PAK3: variants seen among roughly 807,000 people sequenced by gnomAD.
The protein encoded by PAK3 is p21 (RAC1) activated kinase 3.
PAK3 carries 4 observed loss-of-function variants against 41.0 expected under a neutral mutation model. The observed-to-expected ratio is 0.10, with a 90% CI of 0.05 to 0.22. The LOEUF is 0.22. PAK3 is among the 10% of genes least tolerant of loss of function. PAK3 has a pLI of 1.00. For missense variants in PAK3, 205 were observed against 409.9 expected, an observed-to-expected ratio of 0.50 and a Z score of 4.32; for synonymous variants, 146 against 139.6, an observed-to-expected ratio of 1.05 and a Z score of -0.32.
At position 111,173,007 on chromosome X, in the gene PAK3, C is replaced by A; in HGVS notation, c.767-11C>A. 1 of 1,046,254 alleles carries A rather than the reference C, an allele frequency of 9.6e-7. No homozygotes were observed. Among genetic ancestry groups the A allele is most frequent in the South Asian group, 1.9e-5 (1 of 52,860 alleles). The allele number at this position is 1,046,254 out of a possible 1,213,427, so 86.2% of individuals were successfully genotyped here. On this transcript the variant is annotated splice_polypyrimidine_tract_variant and intron_variant, in intron 10 of 17. Coordinates refer to ENST00000372007, the MANE Select transcript of PAK3 (RefSeq NM_002578.5). ...TCCTCCTCTTTTCTTCTCTCCCCACCCATCTCTTAGGAAGCATTGTGAGTG... is the reference window on the plus strand; with the variant it reads ...TCCTCCTCTTTTCTTCTCTCCCCACACATCTCTTAGGAAGCATTGTGAGTG...
chrX:111,020,876 A>T (rs1228247539), intron 1 of PAK3, among the ~76,000 whole-genome samples: 3 of 110,690 alleles, frequency 2.7e-5, no homozygotes, highest in Non-Finnish European at 5.7e-5. Context: ...GAGGCCTGTG[A>T]CTGCCAGCTT....
chrX:111,056,503 C>A (rs1419409045), intron 1 of PAK3, among the ~76,000 whole-genome samples: 1 of 111,939 alleles, frequency 8.9e-6, no homozygotes, highest in Admixed American at 9.5e-5. Context: ...CCATTTCTGC[C>A]CAATTCTCTC....
intron 5 of PAK3, among the ~76,000 whole-genome samples, chrX:111,131,875 C>G (rs192389245): frequency 1.8e-5 from 2 of 112,047 alleles, no homozygotes; most frequent in Non-Finnish European, 1.9e-5. Context: ...TTCTGAGACA[C>G]TTACTGTTAC....
chrX:110,954,857 C>A (rs1015866850), intron 1 of PAK3, among the ~76,000 whole-genome samples: 14 of 111,326 alleles, frequency 1.3e-4, no homozygotes, highest in African/African-American at 4.6e-4. Flanking sequence ...TTTTCCTCCT[C>A]CTACTCCCAG....
chrX:111,136,737 T>C (rs2093795126), intron 5 of PAK3, among the ~76,000 whole-genome samples: 1 of 111,874 alleles, frequency 8.9e-6, no homozygotes, highest in African/African-American at 3.3e-5. Flanking sequence ...GAGAAAGGGT[T>C]ATTCTGGATA....
chrX:111,006,849 C>CTTTCTTTCTTTTTT (rs1556434441), intron 1 of PAK3, among the ~76,000 whole-genome samples: 10 of 42,719 alleles, frequency 2.3e-4, no homozygotes, highest in East Asian at 9.2e-4. Context: ...TTCTTTCTTT[C>CTTTCTTTCTTTTTT]TTTTTTTTTT....
At position 111,014,320 on chromosome X, in the gene PAK3, G is replaced by A. The variant is rs1195947890; in HGVS notation, c.-28+69692G>A. On this transcript the variant is annotated intron_variant, in intron 1 of 14. Transcript: ENST00000425146. ...TTTGTTCTTTGGTTTCAAATCAGCA[G>A]CACCTTTTTTTTCAAGTAAAAAAAA... 2.7e-5 allele frequency among the ~76,000 whole-genome samples: 3 copies of A among 111,573 alleles called. No homozygotes were observed. In the East Asian group the frequency reaches 8.5e-4, roughly 31 times the overall value.
chrX:111,166,237 A>G (rs2094253415), intron 10 of PAK3, among the ~76,000 whole-genome samples: 1 of 111,430 alleles, frequency 9.0e-6, no homozygotes, highest in Non-Finnish European at 1.9e-5. Flanking sequence ...GTCTAAGGAA[A>G]ACTTCAGACA....
chrX:111,132,182 G>A lies in PAK3; in HGVS notation c.175+8904G>A, dbSNP rs182052965. ...ATCTATCATCCAGCTAAAGAGTAAC[G>A]AAGTCACTAAGGATCATTTGTTAGG... On this transcript the variant is annotated intron_variant, in intron 5 of 17. Transcript: ENST00000372007. Among the ~76,000 whole-genome samples the A allele has an allele frequency of 2.6e-3, 288 of 110,353 alleles. 1 individual carries two copies. The highest frequency in any genetic ancestry group is 8.5e-3 in the African/African-American group (258 of 30,319).
At chrX:110,961,701 C>T (rs1192800794) in intron 1 of PAK3, among the ~76,000 whole-genome samples, 1 of 112,098 alleles carries the variant, frequency 8.9e-6, no homozygotes, top group East Asian at 2.8e-4. Context: ...CACAGCTAAG[C>T]TTCTTGAAAA....
At chrX:111,114,919 C>T (rs1389180105) in intron 4 of PAK3, among the ~76,000 whole-genome samples, 1 of 112,171 alleles carries the variant, frequency 8.9e-6, no homozygotes, top group African/African-American at 3.2e-5. Flanking sequence ...CTGCTGATTA[C>T]AGCTCCTTCC....
At position 111,055,087 on chromosome X, in the gene PAK3, T is replaced by C. The variant is rs756671496; in HGVS notation, c.-27-67990T>C. Among the ~76,000 whole-genome samples the C allele has an allele frequency of 3.1e-3, 351 of 112,030 alleles. 2 individuals carry two copies. The highest frequency in any genetic ancestry group is 0.011 in the African/African-American group (333 of 30,856). On this transcript the variant is annotated intron_variant, in intron 1 of 14. Transcript: ENST00000425146. The stretch of plus-strand genomic sequence containing the variant: ...AGGATTTCTGAACACTTGGTGCACA[T>C]TGTACACCAACCACTAGACCACACT...
At chrX:111,014,845 AC>A (rs766267876) in intron 1 of PAK3, among the ~76,000 whole-genome samples, 2 of 111,337 alleles carry the variant, frequency 1.8e-5, no homozygotes, top group African/African-American at 3.3e-5. Context: ...AGCTGTAATG[AC>A]TTTATCTTCC....
intron 1 of PAK3, among the ~76,000 whole-genome samples, chrX:110,950,367 G>A (rs1371486814): frequency 2.7e-5 from 3 of 112,034 alleles, no homozygotes; most frequent in Non-Finnish European, 5.6e-5. Flanking sequence ...TGAACTATAT[G>A]TCTGAAGATC....
upstream of PAK3, among the ~76,000 whole-genome samples, chrX:111,095,560 A>T (rs951579370): frequency 1.8e-5 from 2 of 112,372 alleles, no homozygotes; most frequent in Admixed American, 1.9e-4. Context: ...AGAGAATCGC[A>T]TTTAAGCTCC....
chrX:110,971,594 T>A (rs1157901204), intron 1 of PAK3, among the ~76,000 whole-genome samples: 1 of 112,101 alleles, frequency 8.9e-6, no homozygotes, highest in Non-Finnish European at 1.9e-5. Context: ...ATCTCATATA[T>A]GATTTTCAAA....
At chrX:111,218,771 T>C (rs2094902815) in intron 17 of PAK3, among the ~76,000 whole-genome samples, 2 of 111,147 alleles carry the variant, frequency 1.8e-5, no homozygotes, top group African/African-American at 3.3e-5. Flanking sequence ...CAACTTTGTT[T>C]ATGAAGATTA....
chrX:111,182,277 G>T (rs1236856925), intron 11 of PAK3, among the ~76,000 whole-genome samples: 1 of 110,204 alleles, frequency 9.1e-6, no homozygotes, highest in Admixed American at 9.7e-5. Flanking sequence ...TGTAATTGTG[G>T]CCTCATTATC....
At chrX:111,088,822 T>G (rs1040219859) in intron 1 of PAK3, among the ~76,000 whole-genome samples, 1 of 111,999 alleles carries the variant, frequency 8.9e-6, no homozygotes, top group African/African-American at 3.2e-5. Context: ...AACTGCCGTG[T>G]GACCTTGGGA....
Sources: gnomAD v4.1 joint callset for allele counts (sites outside exome capture counted in the v4.1 genomes callset) on GRCh38, gnomAD v4.1.1 for gene constraint, MANE v1.5 for transcripts, NCBI Gene and HGNC (gene_info 2026-07-23, HGNC 2026-07-21) for gene names.